Variants in ERCC2 observed in about 807,000 individuals in gnomAD.
ERCC2 encodes ERCC excision repair 2, TFIIH core complex helicase subunit.
Under a neutral mutation model 99.4 loss-of-function variants are expected in ERCC2, and 90 were observed. The observed-to-expected ratio is 0.91, with a 90% confidence interval of 0.76 to 1.08. The LOEUF is 1.08. Among genes scored for constraint, ERCC2 ranks in the 50% least tolerant of loss-of-function variants. The pLI is 0.00. For synonymous variants in ERCC2, 497 were observed against 432.4 expected, an observed-to-expected ratio of 1.15 and a Z score of -1.85; for missense variants, 993 against 1,038.1, an observed-to-expected ratio of 0.96 and a Z score of 0.60.
Position 45,370,560 on chromosome 19 carries a change from A to G in ERCC2, c.-20T>C, listed in dbSNP as rs1228452876. 6.3e-7 allele frequency: 1 copy of G among 1,574,996 alleles called. No homozygotes were observed. The highest frequency in any genetic ancestry group is 8.6e-7 in the Non-Finnish European group (1 of 1,165,020). ...CTTCATGGCGCCGGCCGGACTGTGC[A>G]GCGGGGTCGACCCGCCTCCCTCATG... On this transcript the variant is annotated 5_prime_UTR_variant, in exon 1 of 23. Transcript: ENST00000391945.
In ERCC2 at chr19:45,351,113, C is replaced by T; in HGVS notation, c.*516G>A. The T allele has an allele frequency of 6.2e-7, 1 of 1,606,850 alleles. No homozygotes were observed. The highest frequency in any genetic ancestry group is 8.5e-7 in the Non-Finnish European group (1 of 1,176,322). On this transcript the variant is annotated 3_prime_UTR_variant, in exon 23 of 23. Coordinates refer to ENST00000391945, the MANE Select transcript of ERCC2 (RefSeq NM_000400.4). ...GCGGTCGGGCCAGTGGTGGAGTCAG[C>T]AGGTGGTGGGTTGGTGTCAGAAGAG... is the stretch of plus-strand genomic sequence containing the variant.
intron 12 of ERCC2, among the ~76,000 whole-genome samples, chr19:45,360,043 G>T (rs1041497753): frequency 2.0e-5 from 3 of 151,716 alleles, no homozygotes; most frequent in African/African-American, 7.3e-5. Flanking sequence ...CCAAAGTGCT[G>T]GGATTACAGA....
chr19:45,353,253 TCTC>T lies in ERCC2; in HGVS notation c.1744_1746del (p.Glu582del), dbSNP rs774160341. Reference sequence around the variant, plus strand: ...CCTCGCACACCCACCTCCTGGTACTTCTCCAGGGCGACACTGGTTTCGGCACCA... The same window carrying T: ...CCTCGCACACCCACCTCCTGGTACTTCAGGGCGACACTGGTTTCGGCACCA... On this transcript the variant is annotated inframe_deletion, in exon 18 of 23. Transcript: ENST00000391945. 2 of 1,613,706 alleles carry T rather than the reference TCTC, an allele frequency of 1.2e-6. No homozygotes were observed. Among genetic ancestry groups the T allele is most frequent in the Non-Finnish European group, 1.7e-6 (2 of 1,179,770 alleles).
In ERCC2 at chr19:45,363,969, G is replaced by C. The variant is rs1267454417; in HGVS notation, c.949+17C>G. The C allele has an allele frequency of 6.5e-7, 1 of 1,537,394 alleles. No individual in the cohort carries two copies. The highest frequency in any genetic ancestry group is 8.7e-7 in the Non-Finnish European group (1 of 1,146,262). ...GGCGGGAAAGGGACTGGGGGGCAGC[G>C]GGGGGTCGGGGCTCACCCTGCAGCA... On this transcript the variant is annotated intron_variant, in intron 10 of 22. Coordinates refer to ENST00000391945, the MANE Select transcript of ERCC2 (RefSeq NM_000400.4).
Position 45,353,176 on chromosome 19 carries a change from C to G in ERCC2, c.1759-21G>C, listed in dbSNP as rs542937459. The G allele has an allele frequency of 1.7e-5, 27 of 1,613,830 alleles. No individual in the cohort carries two copies. In the South Asian group the frequency reaches 2.5e-4, roughly 15 times the overall value. On this transcript the variant is annotated intron_variant, in intron 18 of 22. Coordinates refer to ENST00000391945, the MANE Select transcript of ERCC2 (RefSeq NM_000400.4). The stretch of plus-strand genomic sequence containing the variant: ...CAGGCCTGAGGTGGGGAGACCGAGA[C>G]GCAAGTTAGGTCACTCCTCAGAGCC...
In ERCC2 at chr19:45,351,226, G is replaced by A; in HGVS notation, c.*403C>T. The A allele has an allele frequency of 1.3e-6, 2 of 1,591,600 alleles. No homozygotes were observed. The highest frequency in any genetic ancestry group is 1.7e-6 in the Non-Finnish European group (2 of 1,168,894). Reference sequence around the variant, plus strand: ...CTGCCAGGCTGGACCTGGAGCTGGAGGGTGGATGTAACACTTGCCCCTCAC... The same window carrying A: ...CTGCCAGGCTGGACCTGGAGCTGGAAGGTGGATGTAACACTTGCCCCTCAC... On this transcript the variant is annotated 3_prime_UTR_variant, in exon 23 of 23. Coordinates refer to ENST00000391945, the MANE Select transcript of ERCC2 (RefSeq NM_000400.4).
rs772598384 is a variant in ERCC2 at position 45,352,570 on chromosome 19, G to C, written c.1982C>G (p.Ala661Gly). 6 of 1,613,990 alleles carry C rather than the reference G, an allele frequency of 3.7e-6. No individual in the cohort carries two copies. The Admixed American group carries it at 5.0e-5, about 13-fold the overall frequency. The change falls in exon 21 of 23, where the codon GCC becomes GGC. Residue 661 changes from alanine to glycine, a missense_variant. Physicochemically the swap from Ala to Gly is moderately conservative, Grantham distance 60 (BLOSUM62 0). This residue lies in a region of ERCC2 where 909 missense variants were observed against 930.8 expected (regional missense o/e 0.98). Transcript: ENST00000391945. ...FLTFDAMRHAAQCVGRAIRGK... is the reference protein window; with the variant it reads ...FLTFDAMRHAGQCVGRAIRGK... ...CCTGATGGCCCGACCCACACACTGG[G>C]CCGCGTGGCGCATGGCATCGAAGGT... is the stretch of plus-strand genomic sequence containing the variant.
In ERCC2 at chr19:45,361,650, G is replaced by C; in HGVS notation, c.1119-8C>G. On this transcript the variant is annotated splice_polypyrimidine_tract_variant and splice_region_variant and intron_variant, in intron 11 of 22. Transcript: ENST00000391945. ...AGGCGTTCAGCACAGAATCTGGCGGGGAGGAGAGACGGGGTCGGGGGGCAG... is the reference window on the plus strand; with the variant it reads ...AGGCGTTCAGCACAGAATCTGGCGGCGAGGAGAGACGGGGTCGGGGGGCAG... The C allele has an allele frequency of 1.2e-6, 2 of 1,604,382 alleles. No individual in the cohort carries two copies. Among genetic ancestry groups the C allele is most frequent in the African/African-American group, 2.7e-5 (2 of 74,746 alleles).
Position 45,354,799 on chromosome 19 carries a change from A to G in ERCC2, c.1596T>C (p.Pro532=), listed in dbSNP as rs1971956477. ...TGGTGAAGAAGGCCACGATGCCATC[A>G]GGGACCACAGCGGACATCTCCAGCA... ...NLLLEMSAVV[P]DGIVAFFTSY... The change falls in exon 17 of 23, where the codon CCT becomes CCC. Residue 532 remains proline, a synonymous_variant. Transcript: ENST00000391945. 1.2e-6 allele frequency: 2 copies of G among 1,614,022 alleles called. No individual in the cohort carries two copies. Among genetic ancestry groups the G allele is most frequent in the Non-Finnish European group, 1.7e-6 (2 of 1,179,986 alleles).
Position 45,351,179 on chromosome 19 carries a change from G to C in ERCC2, c.*450C>G. 6.3e-7 allele frequency: 1 copy of C among 1,586,136 alleles called. No individual in the cohort carries two copies. Among genetic ancestry groups the C allele is most frequent in the South Asian group, 1.2e-5 (1 of 86,886 alleles). ...AAAGATGGGTTTTACTTGGGGTAGA[G>C]GCGAGGGGGTTGGATAGTTGGCTGC... On this transcript the variant is annotated 3_prime_UTR_variant, in exon 23 of 23. Transcript: ENST00000391945.
rs760046677 is a variant in ERCC2 at position 45,351,265 on chromosome 19, A to C, written c.*364T>G. On this transcript the variant is annotated 3_prime_UTR_variant, in exon 23 of 23. Transcript: ENST00000391945. ...CTTGCCCCTCACCTCCCCTCCAACC[A>C]TCCCCTGTGCCTGTCTCCAGTTTCC... 3.7e-6 allele frequency: 6 copies of C among 1,610,464 alleles called. No individual in the cohort carries two copies. Among genetic ancestry groups the C allele is most frequent in the Non-Finnish European group, 4.2e-6 (5 of 1,179,040 alleles).
intron 12 of ERCC2, 76 bp downstream of exon 12, chr19:45,361,448 C>T: frequency 9.2e-7 from 1 of 1,086,872 alleles, no homozygotes; most frequent in Non-Finnish European, 1.4e-6. Flanking sequence ...GTCCTGCCAA[C>T]AACCCTCTAG....
chr19:45,361,688 G>A (rs1450435449), intron 11 of ERCC2, 46 bp from the exon 12 acceptor site: 8 of 1,342,596 alleles, frequency 6.0e-6, no homozygotes, highest in Non-Finnish European at 8.6e-6. Flanking sequence ...GGAAGCATGA[G>A]CAGGACCAGC....
chr19:45,367,394 CACACACAT>C (rs1165886975), intron 5 of ERCC2, among the ~76,000 whole-genome samples: 4 of 144,166 alleles, frequency 2.8e-5, no homozygotes, highest in African/African-American at 9.9e-5. Flanking sequence ...CACACACACA[CACACACAT>C]ATAAAAACAT....
intron 12 of ERCC2, among the ~76,000 whole-genome samples, chr19:45,359,418 G>A (rs919833953): frequency 1.3e-5 from 2 of 152,192 alleles, no homozygotes; most frequent in Non-Finnish European, 2.9e-5. Flanking sequence ...GTCAGGCCCT[G>A]CCGCAGGACA....
Position 45,350,034 on chromosome 19 carries a change from T to G in ERCC2, c.*1595A>C, listed in dbSNP as rs1971644859. 2.2e-6 allele frequency: 1 copy of G among 455,138 alleles called. No homozygotes were observed. Among genetic ancestry groups the G allele is most frequent in the African/African-American group, 2.0e-5 (1 of 51,060 alleles). The allele number at this position is 455,138 out of a possible 1,614,324, so 28.2% of individuals were successfully genotyped here. On this transcript the variant is annotated 3_prime_UTR_variant, in exon 23 of 23. Coordinates refer to ENST00000391945, the MANE Select transcript of ERCC2 (RefSeq NM_000400.4). ...CTCAGAAACAGGAGGCTGCCTGTCC[T>G]CCATCCCCAGGGCAGGAAGTAAGGC... is the stretch of plus-strand genomic sequence containing the variant.
In ERCC2 at chr19:45,350,605, CT is replaced by C; in HGVS notation, c.*1023del. On this transcript the variant is annotated 3_prime_UTR_variant, in exon 23 of 23. Transcript: ENST00000391945. ...GGGTGGGCGTGGGGACTGCATGGGC[CT>C]GGGGGACTGAGCAGCATCCCCGGCC... 6.2e-7 allele frequency: 1 copy of C among 1,613,484 alleles called. No homozygotes were observed. Among genetic ancestry groups the C allele is most frequent in the Non-Finnish European group, 8.5e-7 (1 of 1,179,606 alleles).
rs755471481 is a variant in ERCC2, at chr19:45,354,759, C to CCATGTA, written c.1630_1635dup (p.Tyr544_Met545dup). 1 of 1,614,072 alleles carries CCATGTA rather than the reference C, an allele frequency of 6.2e-7. No individual in the cohort carries two copies. The highest frequency in any genetic ancestry group is 8.5e-7 in the Non-Finnish European group (1 of 1,179,982). On this transcript the variant is annotated inframe_insertion, in exon 17 of 23. Transcript: ENST00000391945. ...TCATACCAGGAGGCCACGGTGCTCT[C>CCATGTA]CATGTACTGGTAGCTGGTGAAGAAG...
At position 45,350,879 on chromosome 19, in the gene ERCC2, T is replaced by G. The variant is rs1416857157; in HGVS notation, c.*750A>C. ...CCTGTGATACACACAGATCAAACCC[T>G]GTGCTGGAAAGGTCCCTCGTGGAGG... is the stretch of plus-strand genomic sequence containing the variant. On this transcript the variant is annotated 3_prime_UTR_variant, in exon 23 of 23. Coordinates refer to ENST00000391945, the MANE Select transcript of ERCC2 (RefSeq NM_000400.4). The G allele has an allele frequency of 2.2e-6, 3 of 1,395,052 alleles. No homozygotes were observed. In the African/African-American group the frequency reaches 5.0e-5, roughly 23 times the overall value. 86.4% of individuals were successfully genotyped at this position (1,395,052 alleles called of 1,614,324 possible).
Sources: gnomAD v4.1 joint callset for allele counts (sites outside exome capture counted in the v4.1 genomes callset) on GRCh38, gnomAD v4.1.1 for gene constraint, gnomAD v4.1.1 regional missense constraint, MANE v1.5 for transcripts, NCBI Gene and HGNC (gene_info 2026-07-23, HGNC 2026-07-21) for gene names.